The following TMEM184C variants were observed in gnomAD, a reference collection of about 807,000 sequenced individuals.
TMEM184C encodes transmembrane protein 184C, also known as transmembrane protein 34.
In TMEM184C, 25 loss-of-function variants were observed where a neutral mutation model predicts 54.5. That is an observed-to-expected ratio of 0.46 (90% CI 0.33 to 0.64). The LOEUF (loss-of-function observed/expected upper bound fraction) is 0.64, where lower values mean the gene tolerates loss of function less well. Ranked by LOEUF, TMEM184C falls within the 30% of genes least tolerant of loss-of-function variation. The pLI is 0.02. For synonymous variants in TMEM184C, 148 were observed against 181.5 expected (o/e 0.82, Z 1.49); for missense variants, 335 against 520.3 (o/e 0.64, Z 3.46).
At chr4:147,633,326 G>A (rs957531176) in intron 8 of TMEM184C, among the ~76,000 whole-genome samples, 1 of 151,700 alleles carries the variant, frequency 6.6e-6, no homozygotes, top group African/African-American at 2.4e-5. Context: ...GCCTGGTGCA[G>A]TGACTCACGC....
At chr4:147,631,256 A>T (rs755151464) in intron 6 of TMEM184C, 137 bp from the exon 7 acceptor site, 19 of 565,490 alleles carry the variant, frequency 3.4e-5, no homozygotes, top group Non-Finnish European at 4.8e-5. Context: ...AAAGCTTGTT[A>T]ATCTAAAAAT....
chr4:147,627,134 A>T (rs1732829229), intron 4 of TMEM184C, among the ~76,000 whole-genome samples: 1 of 152,234 alleles, frequency 6.6e-6, no homozygotes, highest in Non-Finnish European at 1.5e-5. Context: ...TTTTAGATTG[A>T]CTGACACAGG....
In TMEM184C at chr4:147,635,289, C is replaced by A. The variant is rs1271126564; in HGVS notation, c.*855C>A. 1 of 151,836 alleles carries A rather than the reference C, an allele frequency of 6.6e-6. No individual in the cohort carries two copies. The highest frequency in any genetic ancestry group is 1.9e-4 in the East Asian group (1 of 5,190). The allele number at this position is 151,836 out of a possible 1,614,324, so 9.4% of individuals were successfully genotyped here. A position where few individuals can be genotyped will look rare whatever the true frequency, so the allele number is the denominator to read the frequency against. ...ACCCTTAATATTTTAACAAAAATTT[C>A]TTGATTAGAGGCACAGTGAAAAAGA... On this transcript the variant is annotated 3_prime_UTR_variant, in exon 10 of 10. Transcript: ENST00000296582.
At chr4:147,626,773 A>G (rs1732822278) in intron 4 of TMEM184C, among the ~76,000 whole-genome samples, 1 of 152,236 alleles carries the variant, frequency 6.6e-6, no homozygotes, top group East Asian at 1.9e-4. Context: ...AGACACAAAT[A>G]TATAGTTAGT....
chr4:147,623,713 A>G lies in TMEM184C; in HGVS notation c.124-121A>G, dbSNP rs1732758625. Reference sequence around the variant, plus strand: ...GGCTGGTTTCAAACTCCTGGCCTCAAGCGATCCTCCCACCTCGGCCTCCCC... The same window carrying G: ...GGCTGGTTTCAAACTCCTGGCCTCAGGCGATCCTCCCACCTCGGCCTCCCC... On this transcript the variant is annotated intron_variant, in intron 1 of 9. Transcript: ENST00000296582. 3.4e-6 allele frequency: 3 copies of G among 874,966 alleles called. No individual in the cohort carries two copies. In the South Asian group the frequency reaches 4.9e-5, roughly 14 times the overall value. The allele number at this position is 874,966 out of a possible 1,614,324, so 54.2% of individuals were successfully genotyped here.
chr4:147,628,339 C>CT (rs1455791887), intron 4 of TMEM184C, 22 bp from the exon 5 acceptor site: 2 of 1,590,544 alleles, frequency 1.3e-6, no homozygotes, highest in African/African-American at 2.7e-5. Flanking sequence ...AGTTGAAATT[C>CT]TAAGTTCTTT....
At chr4:147,623,417 A>G (rs1015457551) in intron 1 of TMEM184C, among the ~76,000 whole-genome samples, 1 of 151,828 alleles carries the variant, frequency 6.6e-6, no homozygotes, top group Admixed American at 6.6e-5. Context: ...CCTGGGCAAC[A>G]GAGCAAAACT....
chr4:147,626,498 G>C (rs938280290), intron 4 of TMEM184C, among the ~76,000 whole-genome samples: 1 of 152,236 alleles, frequency 6.6e-6, no homozygotes, highest in Non-Finnish European at 1.5e-5. Context: ...AGAGTGATCA[G>C]TGTAGACATA....
intron 5 of TMEM184C, 104 bp from the exon 6 acceptor site, chr4:147,629,495 T>C (rs1306978625): frequency 1.3e-6 from 1 of 774,938 alleles, no homozygotes; most frequent in African/African-American, 1.8e-5. Flanking sequence ...TGATTGTCAG[T>C]GAGATCTCAA....
At position 147,628,441 on chromosome 4, in the gene TMEM184C, T is replaced by C; in HGVS notation, c.572+6T>C. 1 of 1,612,210 alleles carries C rather than the reference T, an allele frequency of 6.2e-7. No individual in the cohort carries two copies. Among genetic ancestry groups the C allele is most frequent in the Non-Finnish European group, 8.5e-7 (1 of 1,179,196 alleles). ...TTCACCACCATCGTTGCTTTGTAAG[T>C]ACTCGGATTTTATATGAACTTTTTT... On this transcript the variant is annotated splice_donor_region_variant and intron_variant, in intron 5 of 9. Coordinates refer to ENST00000296582, the MANE Select transcript of TMEM184C (RefSeq NM_018241.3).
In TMEM184C at chr4:147,632,699, A is replaced by G. The variant is rs1732938042; in HGVS notation, c.780-204A>G. The G allele has an allele frequency of 1.2e-5, 6 of 497,288 alleles. 1 individual carries two copies. In the South Asian group the frequency reaches 1.7e-4, roughly 14 times the overall value. The allele number at this position is 497,288 out of a possible 1,614,324, so 30.8% of individuals were successfully genotyped here. On this transcript the variant is annotated intron_variant, in intron 7 of 9. Transcript: ENST00000296582. ...CTTGAAATGCTCAGCTTGACTCCCT[A>G]TCTTGAGACAAAACTACTAGAAAAA... is the stretch of plus-strand genomic sequence containing the variant.
intron 5 of TMEM184C, among the ~76,000 whole-genome samples, chr4:147,629,154 G>A (rs1423962154): frequency 2.0e-5 from 3 of 152,022 alleles, no homozygotes; most frequent in East Asian, 1.9e-4. Context: ...ACTTACTTGA[G>A]GGGATCTGGG....
intron 1 of TMEM184C, among the ~76,000 whole-genome samples, chr4:147,618,820 CTAAAT>C (rs1416932196): frequency 6.6e-6 from 1 of 152,172 alleles, no homozygotes; most frequent in Admixed American, 6.5e-5. Flanking sequence ...TCTATTTACA[CTAAAT>C]TATTTTCTGA....
intron 4 of TMEM184C, among the ~76,000 whole-genome samples, chr4:147,627,472 CAG>C (rs1265417912): frequency 5.3e-5 from 8 of 152,020 alleles, no homozygotes; most frequent in Non-Finnish European, 1.0e-4. Context: ...TTTGTAGAGA[CAG>C]AGTTTTGCCA....
In TMEM184C at chr4:147,633,853, A is replaced by G; in HGVS notation, c.968A>G (p.Glu323Gly). The change falls in exon 9 of 10, where the codon GAG becomes GGG. Residue 323 changes from glutamate (E) to glycine (G), a missense_variant. By Grantham distance (98) the Glu-to-Gly change is moderately conservative (BLOSUM62 -2). Coordinates refer to ENST00000296582, the MANE Select transcript of TMEM184C (RefSeq NM_018241.3). Reference sequence around the variant, plus strand: ...AAACCATATGTCCAAGAAGCAGAAGAGGGCTCATGCTTTGATTCCTTTCTT... The same window carrying G: ...AAACCATATGTCCAAGAAGCAGAAGGGGGCTCATGCTTTGATTCCTTTCTT... ...SYKPYVQEAE[E>G]GSCFDSFLAM... 6.2e-7 allele frequency: 1 copy of G among 1,613,958 alleles called. No homozygotes were observed. Among genetic ancestry groups the G allele is most frequent in the Non-Finnish European group, 8.5e-7 (1 of 1,179,970 alleles).
intron 4 of TMEM184C, among the ~76,000 whole-genome samples, chr4:147,625,981 G>A (rs542677732): frequency 1.3e-5 from 2 of 152,264 alleles, no homozygotes; most frequent in Non-Finnish European, 2.9e-5. Context: ...TGATTGGAGA[G>A]AGGTGAAATC....
At chr4:147,633,473 C>T (rs1014169271) in intron 8 of TMEM184C, among the ~76,000 whole-genome samples, 2 of 151,724 alleles carry the variant, frequency 1.3e-5, no homozygotes, top group Non-Finnish European at 2.9e-5. Flanking sequence ...CATGACAGCA[C>T]ATGCCTATAC....
chr4:147,632,749 A>G (rs1345570872), intron 7 of TMEM184C, 154 bp from the exon 8 acceptor site: 2 of 544,562 alleles, frequency 3.7e-6, no homozygotes, highest in South Asian at 6.2e-5. Flanking sequence ...AAATTAATAT[A>G]TTTAACATAG....
intron 1 of TMEM184C, among the ~76,000 whole-genome samples, chr4:147,622,596 A>G (rs949104584): frequency 2.0e-5 from 3 of 152,176 alleles, no homozygotes; most frequent in South Asian, 2.1e-4. Context: ...ATCCCCACAT[A>G]TAAGTGGGGA....
Sources: allele counts gnomAD v4.1 joint callset (sites outside exome capture counted in the v4.1 genomes callset), GRCh38; gene constraint gnomAD v4.1.1; transcripts MANE v1.5; gene names NCBI Gene and HGNC (gene_info 2026-07-23, HGNC 2026-07-21).